Variants in KCNMB2 observed in about 807,000 individuals in gnomAD.
The protein encoded by KCNMB2 is calcium-activated potassium channel subunit beta-2.
A neutral mutation model predicts 24.5 loss-of-function variants in KCNMB2; 9 were observed. That is an observed-to-expected ratio of 0.37 (90% CI 0.22 to 0.64). KCNMB2 has a LOEUF of 0.64. Among genes scored for constraint, KCNMB2 ranks in the 30% least tolerant of loss-of-function variants. KCNMB2 has a pLI of 0.63. For missense variants in KCNMB2, 226 were observed against 284.3 expected (o/e 0.79, Z 1.47); for synonymous variants, 109 against 104.4 (o/e 1.04, Z -0.27).
intron 1 of KCNMB2, among the ~76,000 whole-genome samples, chr3:178,654,939 A>T (rs953823115): frequency 6.6e-6 from 1 of 152,020 alleles, no homozygotes; most frequent in Admixed American, 6.6e-5. Flanking sequence ...TAACATGGAG[A>T]TTATAGTGGT....
chr3:178,611,145 C>T (rs988674573), intron 1 of KCNMB2, among the ~76,000 whole-genome samples: 2 of 152,146 alleles, frequency 1.3e-5, no homozygotes, highest in Non-Finnish European at 2.9e-5. Flanking sequence ...TTTATTACAG[C>T]TTTGATCTTG....
At chr3:178,611,563 G>A (rs1577047616) in intron 1 of KCNMB2, among the ~76,000 whole-genome samples, 1 of 152,158 alleles carries the variant, frequency 6.6e-6, no homozygotes, top group East Asian at 1.9e-4. Flanking sequence ...ATATTAGCTG[G>A]ACGTGGTGGC....
chr3:178,706,236 T>C (rs1722274490), intron 1 of KCNMB2, among the ~76,000 whole-genome samples: 1 of 152,236 alleles, frequency 6.6e-6, no homozygotes, highest in Admixed American at 6.5e-5. Context: ...GAAGAATCCG[T>C]GTTTCTATTT....
rs551711215 is a variant in KCNMB2 at position 178,680,247 on chromosome 3, G to C, written c.-67-127096G>C. 6.6e-5 allele frequency among the ~76,000 whole-genome samples: 10 copies of C among 152,254 alleles called. No homozygotes were observed. The South Asian group carries it at 2.1e-3, about 32-fold the overall frequency. The stretch of plus-strand genomic sequence containing the variant: ...TGAGGAAGAGCTGGGGAATGCAGAA[G>C]GACTGTGCCTTTTCCTTTAATCTGA... On this transcript the variant is annotated intron_variant, in intron 1 of 4. Coordinates refer to ENST00000452583, the MANE Select transcript of KCNMB2 (RefSeq NM_181361.3).
At chr3:178,699,538 A>G (rs4602366) in intron 1 of KCNMB2, among the ~76,000 whole-genome samples, 108,764 of 152,068 alleles carry the variant, frequency 0.72, 39,420 homozygotes, top group African/African-American at 0.86. Flanking sequence ...GTCTGCCAGT[A>G]CAGAAGCTAT....
rs1003682517 is a variant in KCNMB2 at position 178,643,811 on chromosome 3, A to G, written c.-68+107100A>G. On this transcript the variant is annotated intron_variant, in intron 1 of 4. Transcript: ENST00000452583. The stretch of plus-strand genomic sequence containing the variant: ...GTTGCCTTCTTCTTCCTCAATCTAC[A>G]TTGCCTGTTGTGATACCACTTCCCA... 3.3e-5 allele frequency among the ~76,000 whole-genome samples: 5 copies of G among 151,950 alleles called. No homozygotes were observed. The East Asian group carries it at 9.7e-4, about 29-fold the overall frequency.
At chr3:178,631,183 T>C (rs866582420) in intron 1 of KCNMB2, among the ~76,000 whole-genome samples, 1 of 152,160 alleles carries the variant, frequency 6.6e-6, no homozygotes, top group Non-Finnish European at 1.5e-5. Context: ...GGGGTAAAAG[T>C]TACTCCTTAC....
intron 1 of KCNMB2, among the ~76,000 whole-genome samples, chr3:178,669,431 A>G (rs1720826285): frequency 6.6e-6 from 1 of 152,152 alleles, no homozygotes; most frequent in African/African-American, 2.4e-5. Flanking sequence ...ACCTAGGAAC[A>G]TTAAAACAGG....
At position 178,611,505 on chromosome 3, in the gene KCNMB2, C is replaced by G. The variant is rs1415899321; in HGVS notation, c.-68+74794C>G. On this transcript the variant is annotated intron_variant, in intron 1 of 4. Transcript: ENST00000452583. ...AGGTCACAAGGTCAGGAGATCAAGA[C>G]CATCCTGGCCAACATGATGAAACCC... 2.0e-5 allele frequency among the ~76,000 whole-genome samples: 3 copies of G among 152,228 alleles called. No individual in the cohort carries two copies. The East Asian group carries it at 5.8e-4, about 29-fold the overall frequency.
At chr3:178,787,729 C>T (rs557324173) in intron 1 of KCNMB2, among the ~76,000 whole-genome samples, 11 of 152,150 alleles carry the variant, frequency 7.2e-5, no homozygotes, top group East Asian at 1.9e-4. Context: ...ATGTTGCCAT[C>T]GCTTAACCAT....
intron 1 of KCNMB2, among the ~76,000 whole-genome samples, chr3:178,593,295 TAA>T (rs1717745782): frequency 1.3e-5 from 2 of 152,036 alleles, no homozygotes; most frequent in Admixed American, 6.6e-5. Flanking sequence ...AGAAATGAAA[TAA>T]GTGTCTAATA....
At position 178,844,221 on chromosome 3, in the gene KCNMB2, A is replaced by G. The variant is rs1481601562; in HGVS notation, c.*1284A>G. Reference sequence around the variant, plus strand: ...CATCTATCTTTCTCATCTATATTTAAGTACCTTTTTGTAATGTAGTATCAA... The same window carrying G: ...CATCTATCTTTCTCATCTATATTTAGGTACCTTTTTGTAATGTAGTATCAA... On this transcript the variant is annotated 3_prime_UTR_variant, in exon 5 of 5. Transcript: ENST00000452583. The G allele has an allele frequency of 6.6e-6, 1 of 152,560 alleles. No homozygotes were observed. The highest frequency in any genetic ancestry group is 1.5e-5 in the Non-Finnish European group (1 of 67,966). The allele number at this position is 152,560 out of a possible 1,614,324, so 9.5% of individuals were successfully genotyped here.
At chr3:178,660,039 C>T (rs59181084) in intron 1 of KCNMB2, among the ~76,000 whole-genome samples, 20,636 of 152,098 alleles carry the variant, frequency 0.14, 1,606 homozygotes, top group Middle Eastern at 0.26. Flanking sequence ...CTATATCAAG[C>T]GTCAGCCATT....
intron 1 of KCNMB2, among the ~76,000 whole-genome samples, chr3:178,706,234 C>T (rs1253108263): frequency 6.6e-6 from 1 of 152,042 alleles, no homozygotes; most frequent in African/African-American, 2.4e-5. Flanking sequence ...TTGAAGAATC[C>T]GTGTTTCTAT....
At chr3:178,720,167 T>G (rs1369558819) in intron 1 of KCNMB2, among the ~76,000 whole-genome samples, 1 of 152,086 alleles carries the variant, frequency 6.6e-6, no homozygotes, top group Non-Finnish European at 1.5e-5. Flanking sequence ...AGTGTGATGT[T>G]CCCCTTCCTG....
intron 1 of KCNMB2, among the ~76,000 whole-genome samples, chr3:178,554,120 GATGAGGAAA>G (rs1370519017): frequency 6.6e-6 from 1 of 151,872 alleles, no homozygotes; most frequent in Non-Finnish European, 1.5e-5. Context: ...CTGTTTCTCA[GATGAGGAAA>G]ATGAGGCACA....
chr3:178,759,222 T>C (rs1321752570), intron 1 of KCNMB2, among the ~76,000 whole-genome samples: 1 of 117,876 alleles, frequency 8.5e-6, no homozygotes, highest in South Asian at 2.6e-4. Flanking sequence ...AATATATCTA[T>C]CTCCAAGAGG....
At chr3:178,574,891 A>G (rs1162182274) in intron 1 of KCNMB2, among the ~76,000 whole-genome samples, 2 of 152,088 alleles carry the variant, frequency 1.3e-5, no homozygotes, top group African/African-American at 4.8e-5. Flanking sequence ...AACATGCTGA[A>G]ACCCCGTCTC....
At position 178,784,293 on chromosome 3, in the gene KCNMB2, CATTG is replaced by C. The variant is rs558350544; in HGVS notation, c.-67-23048_-67-23045del. On this transcript the variant is annotated intron_variant, in intron 1 of 4. Coordinates refer to ENST00000452583, the MANE Select transcript of KCNMB2 (RefSeq NM_181361.3). ...CAACCTTCATTTTTACAGATAAGGA[CATTG>C]AGATTCAGAGGTTAACTAGCTTACC... 2.6e-5 allele frequency among the ~76,000 whole-genome samples: 4 copies of C among 152,236 alleles called. No individual in the cohort carries two copies. In the South Asian group the frequency reaches 8.3e-4, roughly 32 times the overall value.
Sources: gnomAD v4.1 joint callset for allele counts (sites outside exome capture counted in the v4.1 genomes callset) on GRCh38, gnomAD v4.1.1 for gene constraint, MANE v1.5 for transcripts, NCBI Gene and HGNC (gene_info 2026-07-23, HGNC 2026-07-21) for gene names.